Variants in PKN2 observed in about 807,000 individuals in gnomAD.
PKN2 encodes the protein protein kinase N2, also known as serine/threonine-protein kinase N2.
A neutral mutation model predicts 119.1 loss-of-function variants in PKN2; 38 were observed. The observed-to-expected ratio is 0.32, with a 90% CI of 0.25 to 0.42. The LOEUF (loss-of-function observed/expected upper bound fraction) is 0.42. PKN2 is among the 10% of genes least tolerant of loss of function. The pLI, the probability that PKN2 is intolerant of heterozygous loss-of-function variation, is 1.00. For missense variants in PKN2, 850 were observed against 1,165.1 expected, an observed-to-expected ratio of 0.73 and a Z score of 3.94; for synonymous variants, 390 against 384.9, an observed-to-expected ratio of 1.01 and a Z score of -0.15.
At chr1:88,707,982 T>C (rs1235348355) in intron 1 of PKN2, among the ~76,000 whole-genome samples, 1 of 152,174 alleles carries the variant, frequency 6.6e-6, no homozygotes, top group African/African-American at 2.4e-5. Flanking sequence ...GTTTTGTGTA[T>C]TTGAAGGAAA....
rs549437651 is a variant in PKN2 at position 88,775,311 on chromosome 1, C to T, written c.985+3432C>T. Among the ~76,000 whole-genome samples the T allele has an allele frequency of 3.9e-5, 6 of 152,238 alleles. No individual in the cohort carries two copies. In the South Asian group the frequency reaches 8.3e-4, roughly 21 times the overall value. ...TCGCAACCACTCACCTCACTTCCTC[C>T]GTAGTTTTGCCTTTTCCACAATGGT... On this transcript the variant is annotated intron_variant, in intron 6 of 21. Coordinates refer to ENST00000370521, the MANE Select transcript of PKN2 (RefSeq NM_006256.4).
chr1:88,709,163 C>G (rs1472743424), intron 1 of PKN2, among the ~76,000 whole-genome samples: 2 of 151,918 alleles, frequency 1.3e-5, no homozygotes, highest in Non-Finnish European at 2.9e-5. Flanking sequence ...AAGTGATTCT[C>G]CTGCCTCAGC....
chr1:88,813,349 A>G (rs1671855228), intron 15 of PKN2, among the ~76,000 whole-genome samples: 2 of 152,174 alleles, frequency 1.3e-5, no homozygotes. Flanking sequence ...ATAATCTTTT[A>G]AAGTTTCTAT....
At chr1:88,788,150 T>TA (rs61509737) in intron 8 of PKN2, among the ~76,000 whole-genome samples, 326 of 152,270 alleles carry the variant, frequency 2.1e-3, no homozygotes, top group African/African-American at 7.7e-3. Context: ...CATTTCAAGA[T>TA]AAAAAATTCA....
intron 2 of PKN2, among the ~76,000 whole-genome samples, chr1:88,746,828 A>G (rs1182068299): frequency 2.0e-5 from 3 of 152,162 alleles, no homozygotes; most frequent in African/African-American, 7.2e-5. Flanking sequence ...CCAGCATTAT[A>G]TAGCCAAGAT....
intron 1 of PKN2, among the ~76,000 whole-genome samples, chr1:88,696,631 C>T (rs1340519825): frequency 1.3e-5 from 2 of 152,104 alleles, no homozygotes; most frequent in Non-Finnish European, 2.9e-5. Context: ...GTCAGTGGAA[C>T]ATGTGTCCCT....
rs576335055 is a variant in PKN2, at chr1:88,741,738, A to G, written c.349+450A>G. 7.2e-5 allele frequency among the ~76,000 whole-genome samples: 11 copies of G among 152,264 alleles called. No individual in the cohort carries two copies. The South Asian group carries it at 2.3e-3, about 32-fold the overall frequency. The stretch of plus-strand genomic sequence containing the variant: ...GCCTTCATTCTTTGTGCTCTAAGCA[A>G]CTGAATTAACAAGTAAACTACTAGG... On this transcript the variant is annotated intron_variant, in intron 2 of 21. Transcript: ENST00000370521.
intron 6 of PKN2, among the ~76,000 whole-genome samples, chr1:88,782,576 T>C (rs2100824608): frequency 6.6e-6 from 1 of 152,300 alleles, no homozygotes; most frequent in Non-Finnish European, 1.5e-5. Context: ...AGGACACTAA[T>C]CTTTTCTTTT....
At chr1:88,713,301 T>G (rs918656583) in intron 1 of PKN2, among the ~76,000 whole-genome samples, 3 of 152,212 alleles carry the variant, frequency 2.0e-5, no homozygotes, top group African/African-American at 7.2e-5. Flanking sequence ...GTTAATGGGA[T>G]TGCTGGGTCA....
intron 19 of PKN2, 134 bp from the exon 20 acceptor site, chr1:88,832,607 ATTG>A (rs3835587): frequency 0.061 from 34,231 of 564,544 alleles, 1,219 homozygotes; most frequent in African/African-American, 0.13. Context: ...GCATGGGTTT[ATTG>A]TTGTTGTTGT....
At chr1:88,816,736 C>T (rs1040362545) in intron 16 of PKN2, 2 of 152,144 alleles carry the variant, frequency 1.3e-5, no homozygotes, top group Non-Finnish European at 2.9e-5. Flanking sequence ...ACCCTGACCA[C>T]CACCCCTGCA....
In PKN2 at chr1:88,770,885, CT is replaced by C. The variant is rs67908637; in HGVS notation, c.622+430del. Among the ~76,000 whole-genome samples, 561 of 141,252 alleles carry C rather than the reference CT, an allele frequency of 4.0e-3. 2 individuals carry two copies. The highest frequency in any genetic ancestry group is 0.011 in the Middle Eastern group (3 of 268). 92.7% of individuals were successfully genotyped at this position (141,252 alleles called of 152,430 possible). ...CAGGCGTGAGCCACCGCGCCCGGCC[CT>C]TTTTTTTTTTTTTAATCTTGAGTTT... On this transcript the variant is annotated intron_variant, in intron 4 of 21. Transcript: ENST00000370521.
chr1:88,794,891 G>A (rs987988993), intron 8 of PKN2, among the ~76,000 whole-genome samples: 4 of 152,086 alleles, frequency 2.6e-5, no homozygotes, highest in African/African-American at 9.7e-5. Context: ...CCTACCTGCT[G>A]TGGAAACTCC....
intron 1 of PKN2, among the ~76,000 whole-genome samples, chr1:88,719,861 G>A (rs1667597967): frequency 6.6e-6 from 1 of 152,036 alleles, no homozygotes; most frequent in Admixed American, 6.6e-5. Context: ...AATTGCATAA[G>A]TGATAAGTAA....
intron 1 of PKN2, among the ~76,000 whole-genome samples, chr1:88,691,776 A>G (rs1265709567): frequency 2.6e-5 from 4 of 152,180 alleles, no homozygotes; most frequent in Admixed American, 2.6e-4. Flanking sequence ...GTGGTCCAAA[A>G]ATAGGTGAGT....
At chr1:88,698,342 C>T (rs916076680) in intron 1 of PKN2, among the ~76,000 whole-genome samples, 3 of 152,146 alleles carry the variant, frequency 2.0e-5, no homozygotes, top group African/African-American at 4.8e-5. Context: ...AAGGACCCCC[C>T]TGTACAATGA....
chr1:88,827,560 A>G lies in PKN2; in HGVS notation c.2420-921A>G, dbSNP rs193120568. On this transcript the variant is annotated intron_variant, in intron 18 of 21. Transcript: ENST00000370521. ...AAAGTTTCAGATTTTGAAGCATTTT[A>G]GATTTTGGATTTTTGGATTAGGGAT... Among the ~76,000 whole-genome samples the G allele has an allele frequency of 1.8e-3, 270 of 151,948 alleles. 5 individuals carry two copies. Among genetic ancestry groups the G allele is most frequent in the Admixed American group, 0.016 (251 of 15,228 alleles).
chr1:88,751,497 C>G (rs1020747750), intron 2 of PKN2, among the ~76,000 whole-genome samples: 3 of 151,858 alleles, frequency 2.0e-5, no homozygotes, highest in African/African-American at 7.3e-5. Context: ...TAACTAGTTC[C>G]CTGTATTAAG....
chr1:88,798,358 C>T (rs1671173587), intron 8 of PKN2, among the ~76,000 whole-genome samples: 1 of 151,262 alleles, frequency 6.6e-6, no homozygotes, highest in Admixed American at 6.6e-5. Context: ...GGTGATGAGC[C>T]AAAAAGACTA....
Sources: gnomAD v4.1 joint callset for allele counts (sites outside exome capture counted in the v4.1 genomes callset) on GRCh38, gnomAD v4.1.1 for gene constraint, MANE v1.5 for transcripts, NCBI Gene and HGNC (gene_info 2026-07-23, HGNC 2026-07-21) for gene names.